The following SYNDIG1 variants were observed in gnomAD, a reference collection of about 807,000 sequenced individuals.
The protein encoded by SYNDIG1 is synapse differentiation-inducing gene protein 1.
Under a neutral mutation model 19.4 loss-of-function variants are expected in SYNDIG1, and 9 were observed. The ratio of observed to expected loss-of-function variants is 0.46; its 90% CI spans 0.28 to 0.81. The LOEUF is 0.81. Among genes scored for constraint, SYNDIG1 ranks in the 30% least tolerant of loss-of-function variants. The pLI is 0.12. For missense variants in SYNDIG1, 311 were observed against 343.3 expected (o/e 0.91, Z 0.74); for synonymous variants, 141 against 145.9 (o/e 0.97, Z 0.24).
chr20:24,593,054 A>G (rs1467296869), intron 3 of SYNDIG1, among the ~76,000 whole-genome samples: 1 of 152,176 alleles, frequency 6.6e-6, no homozygotes, highest in African/African-American at 2.4e-5. Context: ...CTGCTGCTGG[A>G]AAAACTCAGT....
intron 3 of SYNDIG1, among the ~76,000 whole-genome samples, chr20:24,663,600 C>A (rs1054734498): frequency 6.6e-6 from 1 of 152,186 alleles, no homozygotes; most frequent in Non-Finnish European, 1.5e-5. Context: ...TGGGCTCTGC[C>A]TTGGGGAGCT....
At chr20:24,613,107 A>T (rs992791895) in intron 3 of SYNDIG1, among the ~76,000 whole-genome samples, 2 of 152,210 alleles carry the variant, frequency 1.3e-5, no homozygotes, top group African/African-American at 4.8e-5. Context: ...CCCACCTGTA[A>T]GGCAACCTAG....
intron 1 of SYNDIG1, among the ~76,000 whole-genome samples, chr20:24,526,508 C>T (rs1427614432): frequency 6.6e-6 from 1 of 152,116 alleles, no homozygotes; most frequent in African/African-American, 2.4e-5. Context: ...GATTTACATG[C>T]TATTGTTTTC....
chr20:24,639,803 A>G (rs1378087986), intron 3 of SYNDIG1, among the ~76,000 whole-genome samples: 2 of 152,236 alleles, frequency 1.3e-5, no homozygotes, highest in Non-Finnish European at 2.9e-5. Context: ...ATTAAATTTT[A>G]AAGTCTGCCT....
intron 2 of SYNDIG1, among the ~76,000 whole-genome samples, chr20:24,559,052 A>G (rs1358257407): frequency 6.6e-6 from 1 of 152,242 alleles, no homozygotes; most frequent in African/African-American, 2.4e-5. Context: ...TTGCAGCACT[A>G]TTCACAATAG....
intron 3 of SYNDIG1, among the ~76,000 whole-genome samples, chr20:24,617,576 G>A (rs575725370): frequency 3.2e-4 from 49 of 152,302 alleles, no homozygotes; most frequent in African/African-American, 1.1e-3. Flanking sequence ...AGGGGCCCCA[G>A]ACATAGGCAA....
chr20:24,654,764 G>A (rs1014646750), intron 3 of SYNDIG1, among the ~76,000 whole-genome samples: 1 of 152,212 alleles, frequency 6.6e-6, no homozygotes, highest in Admixed American at 6.5e-5. Context: ...CCAGGTGGCA[G>A]GGGACTCCAC....
chr20:24,540,649 G>A (rs1296639035), intron 1 of SYNDIG1, among the ~76,000 whole-genome samples: 4 of 152,166 alleles, frequency 2.6e-5, no homozygotes, highest in Non-Finnish European at 5.9e-5. Flanking sequence ...TATGTCAATA[G>A]AGATAATTAC....
intron 1 of SYNDIG1, among the ~76,000 whole-genome samples, chr20:24,478,346 T>G (rs1297068271): frequency 6.6e-6 from 1 of 152,182 alleles, no homozygotes; most frequent in Non-Finnish European, 1.5e-5. Flanking sequence ...CTTTGGCTGT[T>G]ATTCTGTGTG....
intron 2 of SYNDIG1, among the ~76,000 whole-genome samples, chr20:24,558,016 G>C (rs538375557): frequency 6.6e-6 from 1 of 152,182 alleles, no homozygotes; most frequent in Non-Finnish European, 1.5e-5. Flanking sequence ...ACTAAAGTTA[G>C]GGGTTTATAT....
intron 2 of SYNDIG1, among the ~76,000 whole-genome samples, chr20:24,581,339 GATAA>G (rs1228134374): frequency 1.3e-5 from 2 of 152,142 alleles, no homozygotes; most frequent in Admixed American, 6.5e-5. Context: ...GAAACTAAAA[GATAA>G]ATAAACAGAC....
intron 2 of SYNDIG1, among the ~76,000 whole-genome samples, chr20:24,554,479 A>G (rs974568049): frequency 6.6e-6 from 1 of 152,250 alleles, no homozygotes; most frequent in Non-Finnish European, 1.5e-5. Flanking sequence ...GATATGTCCC[A>G]TCAATACCTA....
intron 3 of SYNDIG1, among the ~76,000 whole-genome samples, chr20:24,604,248 C>T (rs2058721697): frequency 6.6e-6 from 1 of 152,004 alleles, no homozygotes; most frequent in Non-Finnish European, 1.5e-5. Context: ...GCATTTGAAC[C>T]AGAGTGACTC....
chr20:24,504,803 G>C (rs1232652507), intron 1 of SYNDIG1, among the ~76,000 whole-genome samples: 1 of 152,192 alleles, frequency 6.6e-6, no homozygotes, highest in African/African-American at 2.4e-5. Flanking sequence ...CCTTTGGTCT[G>C]TGCCCCGGGA....
chr20:24,563,162 G>A (rs888272261), intron 2 of SYNDIG1, among the ~76,000 whole-genome samples: 9 of 152,244 alleles, frequency 5.9e-5, no homozygotes, highest in East Asian at 1.9e-4. Flanking sequence ...AGATGTGTTC[G>A]ATGGCTTATT....
chr20:24,470,786 G>A (rs1406519272), intron 1 of SYNDIG1, among the ~76,000 whole-genome samples: 1 of 152,178 alleles, frequency 6.6e-6, no homozygotes, highest in Non-Finnish European at 1.5e-5. Context: ...TGGGGGTTTC[G>A]TTGCACGCAG....
intron 3 of SYNDIG1, among the ~76,000 whole-genome samples, chr20:24,630,665 CA>C (rs760882772): frequency 7.5e-4 from 114 of 152,344 alleles, no homozygotes; most frequent in Non-Finnish European, 1.3e-3. Flanking sequence ...GCAACATCCA[CA>C]CTCCTGAGGT....
At chr20:24,479,891 T>A (rs1313711922) in intron 1 of SYNDIG1, among the ~76,000 whole-genome samples, 1 of 152,216 alleles carries the variant, frequency 6.6e-6, no homozygotes, top group Non-Finnish European at 1.5e-5. Flanking sequence ...CCCTCCAGCC[T>A]CATCACCATT....
intron 1 of SYNDIG1, among the ~76,000 whole-genome samples, chr20:24,529,980 G>C (rs1312581958): frequency 1.0e-3 from 152 of 148,066 alleles, no homozygotes; most frequent in Admixed American, 1.4e-3. Flanking sequence ...GATGGTGATG[G>C]TGGTGGTGAT....
Sources: allele counts gnomAD v4.1 joint callset (sites outside exome capture counted in the v4.1 genomes callset), GRCh38; gene constraint gnomAD v4.1.1; transcripts MANE v1.5; gene names NCBI Gene and HGNC (gene_info 2026-07-23, HGNC 2026-07-21).